Variants in MAP2 observed in about 807,000 individuals in gnomAD.
The protein encoded by MAP2 is microtubule associated protein 2, also known as microtubule-associated protein 2.
In MAP2, 14 loss-of-function variants were observed where a neutral mutation model predicts 137.6. The observed-to-expected ratio is 0.10, with a 90% CI of 0.07 to 0.16. MAP2 has a LOEUF of 0.16. Among genes scored for constraint, MAP2 ranks in the 10% least tolerant of loss-of-function variants. The pLI is 1.00. For synonymous variants in MAP2, 786 were observed against 782.3 expected (o/e 1.00, Z -0.08); for missense variants, 2,088 against 2,191.5 (o/e 0.95, Z 0.94).
Position 209,733,870 on chromosome 2 carries a change from T to TTTAGCAAAAAGAAAAAAAAA in MAP2, c.*3475_*3494dup, listed in dbSNP as rs2076103597. On this transcript the variant is annotated 3_prime_UTR_variant, in exon 16 of 16. Transcript: ENST00000682079. ...GTCAATCATAAAAATCTACTTCAACTTTAGCAAAAAGAAAAAAAAATCAAC... is the reference window on the plus strand; with the variant it reads ...GTCAATCATAAAAATCTACTTCAACTTTAGCAAAAAGAAAAAAAAATTAGCAAAAAGAAAAAAAAATCAAC... The TTTAGCAAAAAGAAAAAAAAA allele has an allele frequency of 2.0e-5, 3 of 150,652 alleles. No homozygotes were observed. The highest frequency in any genetic ancestry group is 7.4e-5 in the African/African-American group (3 of 40,390). 9.3% of individuals were successfully genotyped at this position (150,652 alleles called of 1,614,324 possible).
intron 1 of MAP2, among the ~76,000 whole-genome samples, chr2:209,452,995 T>G (rs1458404225): frequency 6.6e-6 from 1 of 152,180 alleles, no homozygotes; most frequent in Admixed American, 6.5e-5. Flanking sequence ...AATCTTTTGT[T>G]TTTGCTCAAA....
chr2:209,618,459 G>A (rs1303673921), intron 3 of MAP2, among the ~76,000 whole-genome samples: 1 of 152,054 alleles, frequency 6.6e-6, no homozygotes, highest in Non-Finnish European at 1.5e-5. Flanking sequence ...TCACTATGTG[G>A]TATCCCGGCA....
rs1011181098 is a variant in MAP2 at position 209,518,670 on chromosome 2, C to A, written c.-172+11029C>A. On this transcript the variant is annotated intron_variant, in intron 2 of 15. Coordinates refer to ENST00000682079, the MANE Select transcript of MAP2 (RefSeq NM_001375505.1). ...TTTAACTGTAAGCAGAAACCCAGTT[C>A]ATCATGAGATTTTTCATTCTCTCTT... Among the ~76,000 whole-genome samples the A allele has an allele frequency of 5.3e-5, 8 of 151,994 alleles. No homozygotes were observed. In the South Asian group the frequency reaches 8.3e-4, roughly 16 times the overall value.
chr2:209,691,147 C>G (rs561592616), intron 7 of MAP2, among the ~76,000 whole-genome samples: 14 of 151,526 alleles, frequency 9.2e-5, no homozygotes, highest in Non-Finnish European at 1.9e-4. Flanking sequence ...ACCCGCCCCC[C>G]CTCATCTCAA....
At chr2:209,692,264 A>T (rs2059106035) in intron 7 of MAP2, among the ~76,000 whole-genome samples, 1 of 151,640 alleles carries the variant, frequency 6.6e-6, no homozygotes, top group African/African-American at 2.4e-5. Flanking sequence ...TCATTAGCTT[A>T]TAACTTTTAT....
intron 5 of MAP2, among the ~76,000 whole-genome samples, chr2:209,659,000 C>T (rs1364599996): frequency 6.6e-6 from 1 of 152,064 alleles, no homozygotes; most frequent in Admixed American, 6.6e-5. Flanking sequence ...GGATATCTGT[C>T]ATTAGTGTCT....
chr2:209,666,595 C>T (rs1300712373), intron 5 of MAP2, among the ~76,000 whole-genome samples: 2 of 152,036 alleles, frequency 1.3e-5, no homozygotes, highest in East Asian at 1.9e-4. Flanking sequence ...GATCCTAATA[C>T]AACATCAAAA....
intron 3 of MAP2, among the ~76,000 whole-genome samples, chr2:209,595,735 G>A (rs926083555): frequency 6.6e-6 from 1 of 152,196 alleles, no homozygotes; most frequent in African/African-American, 2.4e-5. Flanking sequence ...ACTGGATTAA[G>A]AAAATGTGGC....
At chr2:209,470,590 G>A (rs1461985269) in intron 1 of MAP2, among the ~76,000 whole-genome samples, 1 of 151,930 alleles carries the variant, frequency 6.6e-6, no homozygotes, top group Admixed American at 6.6e-5. Flanking sequence ...AATCTCATCA[G>A]AAAGATGTCT....
At chr2:209,698,472 G>C (rs773922734) in intron 10 of MAP2, among the ~76,000 whole-genome samples, 70 of 152,126 alleles carry the variant, frequency 4.6e-4, no homozygotes, top group Non-Finnish European at 9.0e-4. Flanking sequence ...TCTTCGGATG[G>C]TTTTAAAGGT....
intron 10 of MAP2, 45 bp downstream of exon 10, chr2:209,697,096 AT>A (rs201051194): frequency 2.9e-3 from 4,044 of 1,417,718 alleles, no homozygotes; most frequent in South Asian, 5.4e-3. Flanking sequence ...ATAGACATGT[AT>A]TTTTTTTTTA....
rs939506622 is a variant in MAP2 at position 209,678,821 on chromosome 2, G to A, written c.376+136G>A. 14 of 465,944 alleles carry A rather than the reference G, an allele frequency of 3.0e-5. No homozygotes were observed. In the East Asian group the frequency reaches 5.1e-4, roughly 17 times the overall value. 28.9% of individuals were successfully genotyped at this position (465,944 alleles called of 1,614,324 possible). ...AACATTCATCAGACACCTTGACTGGGTATGCACTAGGACCTATTTTCATCT... is the reference window on the plus strand; with the variant it reads ...AACATTCATCAGACACCTTGACTGGATATGCACTAGGACCTATTTTCATCT... On this transcript the variant is annotated intron_variant, in intron 6 of 15. Transcript: ENST00000682079.
At chr2:209,700,389 T>G in intron 11 of MAP2, 51 bp downstream of exon 11, 1 of 1,352,114 alleles carries the variant, frequency 7.4e-7, no homozygotes, top group Non-Finnish European at 1.1e-6. Context: ...CCTTTGGTAT[T>G]AGCTGTAACA....
rs768880406 is a variant in MAP2, at chr2:209,572,081, TAA to T, written c.-171-7954_-171-7953del. On this transcript the variant is annotated intron_variant, in intron 2 of 15. Transcript: ENST00000682079. ...ATGTACATACATTTGGATAAGAATA[TAA>T]GTGATTTTTTAAAAAAATCATCATA... 8.5e-5 allele frequency among the ~76,000 whole-genome samples: 13 copies of T among 152,102 alleles called. No homozygotes were observed. The East Asian group carries it at 1.9e-3, about 23-fold the overall frequency.
At chr2:209,716,705 T>C (rs2067790894) in intron 13 of MAP2, among the ~76,000 whole-genome samples, 1 of 152,134 alleles carries the variant, frequency 6.6e-6, no homozygotes, top group Non-Finnish European at 1.5e-5. Flanking sequence ...GCTCTTCTAT[T>C]AAAGTATTGC....
intron 7 of MAP2, among the ~76,000 whole-genome samples, chr2:209,683,949 T>C (rs1206529848): frequency 6.6e-6 from 1 of 152,082 alleles, no homozygotes; most frequent in Non-Finnish European, 1.5e-5. Context: ...ATTACTATAA[T>C]TTATGAATAT....
chr2:209,537,578 T>C (rs2066176304), intron 2 of MAP2, among the ~76,000 whole-genome samples: 1 of 152,222 alleles, frequency 6.6e-6, no homozygotes, highest in South Asian at 2.1e-4. Flanking sequence ...ACTCTTTCTG[T>C]ACATACACAA....
intron 2 of MAP2, 49 bp from the exon 3 acceptor site, chr2:209,579,987 C>A (rs1050067587): frequency 1.3e-5 from 1 of 79,178 alleles, no homozygotes; most frequent in African/African-American, 4.2e-5. Flanking sequence ...ATTTAGTTAA[C>A]AAATCCATAT....
intron 2 of MAP2, among the ~76,000 whole-genome samples, chr2:209,512,850 A>G (rs190362267): frequency 1.3e-5 from 2 of 152,046 alleles, no homozygotes; most frequent in Middle Eastern, 3.4e-3. Flanking sequence ...GGGTCTCTCT[A>G]TGTTGCCCAG....
Sources: gnomAD v4.1 joint callset for allele counts (sites outside exome capture counted in the v4.1 genomes callset) on GRCh38, gnomAD v4.1.1 for gene constraint, MANE v1.5 for transcripts, NCBI Gene and HGNC (gene_info 2026-07-23, HGNC 2026-07-21) for gene names.